The following MIS18A variants were observed in gnomAD, a reference collection of about 807,000 sequenced individuals.
MIS18A encodes MIS18 kinetochore protein A.
A neutral mutation model predicts 25.0 loss-of-function variants in MIS18A; 14 were observed. The observed-to-expected ratio is 0.56, with a 90% CI of 0.37 to 0.88. The LOEUF is 0.88. MIS18A is among the 40% of genes least tolerant of loss of function. The pLI, the probability that MIS18A is intolerant of heterozygous loss-of-function variation, is 0.00. For synonymous variants in MIS18A, 134 were observed against 118.6 expected, an observed-to-expected ratio of 1.13 and a Z score of -0.84; for missense variants, 292 against 290.8, an observed-to-expected ratio of 1.00 and a Z score of -0.03.
chr21:32,216,142 G>T, the MIS18A span, among the ~76,000 whole-genome samples: 2 of 152,214 alleles, frequency 1.3e-5, no homozygotes, highest in Admixed American at 1.3e-4. Flanking sequence ...ACAATCTGAG[G>T]TGCATTTATT....
downstream of MIS18A, among the ~76,000 whole-genome samples, chr21:32,267,856 C>A (rs1261642298): frequency 6.6e-6 from 1 of 152,152 alleles, no homozygotes; most frequent in African/African-American, 2.4e-5. Flanking sequence ...GGGAGAGTAG[C>A]CTGCGAGAGA....
the MIS18A span, among the ~76,000 whole-genome samples, chr21:32,159,353 A>G: frequency 1.3e-5 from 2 of 152,196 alleles, no homozygotes; most frequent in Admixed American, 1.3e-4. Flanking sequence ...AATTTCAGGT[A>G]TTTACTTTAG....
the MIS18A span, among the ~76,000 whole-genome samples, chr21:32,178,005 C>A: frequency 6.6e-6 from 1 of 151,932 alleles, no homozygotes; most frequent in African/African-American, 2.4e-5. Context: ...GCCTTGACCT[C>A]CAGGGCTCAA....
At chr21:32,218,848 T>G in the MIS18A span, among the ~76,000 whole-genome samples, 4 of 152,134 alleles carry the variant, frequency 2.6e-5, no homozygotes, top group Admixed American at 6.6e-5. Context: ...GTGGATCACC[T>G]GATGTCAGGA....
chr21:32,242,329 A>G, the MIS18A span, among the ~76,000 whole-genome samples: 2 of 152,360 alleles, frequency 1.3e-5, no homozygotes, highest in East Asian at 3.9e-4. Flanking sequence ...GGAAGGTGAA[A>G]GCCAGTGCCT....
chr21:32,257,589 A>T, the MIS18A span, among the ~76,000 whole-genome samples: 1 of 152,208 alleles, frequency 6.6e-6, no homozygotes, highest in Non-Finnish European at 1.5e-5. Flanking sequence ...TCAAATCAAT[A>T]CCTAATTAAA....
chr21:32,170,166 T>C, the MIS18A span, among the ~76,000 whole-genome samples: 1 of 152,088 alleles, frequency 6.6e-6, no homozygotes, highest in Non-Finnish European at 1.5e-5. Flanking sequence ...ACTGGGTATA[T>C]ACCCAAAGAA....
chr21:32,204,870 G>T, the MIS18A span, among the ~76,000 whole-genome samples: 1 of 152,172 alleles, frequency 6.6e-6, no homozygotes, highest in Non-Finnish European at 1.5e-5. Flanking sequence ...CTGGGCGACA[G>T]AGCAAGACTC....
the MIS18A span, among the ~76,000 whole-genome samples, chr21:32,201,902 T>C: frequency 6.6e-6 from 1 of 152,148 alleles, no homozygotes; most frequent in Non-Finnish European, 1.5e-5. Context: ...GCGTTACCTT[T>C]CTTAAATATA....
chr21:32,273,029 G>A (rs2031741500), intron 2 of MIS18A, among the ~76,000 whole-genome samples: 2 of 152,032 alleles, frequency 1.3e-5, no homozygotes, highest in South Asian at 4.2e-4. Context: ...AATTTTTATG[G>A]CCTGCATGCC....
chr21:32,241,368 TAA>T, the MIS18A span, among the ~76,000 whole-genome samples: 37 of 88,344 alleles, frequency 4.2e-4, no homozygotes, highest in Admixed American at 7.0e-4. Flanking sequence ...TAGCTGACAA[TAA>T]AAAAAAAAAA....
At chr21:32,161,476 TTTTGTTTG>T in the MIS18A span, among the ~76,000 whole-genome samples, 16 of 150,562 alleles carry the variant, frequency 1.1e-4, no homozygotes, top group East Asian at 3.9e-4. Context: ...GAAGCTTGTT[TTTTGTTTG>T]TTTGTTTGTT....
chr21:32,241,382 A>C, the MIS18A span, among the ~76,000 whole-genome samples: 65 of 152,060 alleles, frequency 4.3e-4, 1 homozygote, highest in Admixed American at 2.9e-3. Flanking sequence ...AAAAAAAAAA[A>C]AAAACTCAAG....
the MIS18A span, among the ~76,000 whole-genome samples, chr21:32,162,894 T>C: frequency 2.0e-5 from 3 of 152,222 alleles, no homozygotes. Context: ...TGCTATTAAA[T>C]GCATCTTGTT....
At chr21:32,159,627 G>A in the MIS18A span, among the ~76,000 whole-genome samples, 1 of 152,210 alleles carries the variant, frequency 6.6e-6, no homozygotes, top group African/African-American at 2.4e-5. Flanking sequence ...CTGAGAACAT[G>A]TACCCAATGT....
the MIS18A span, among the ~76,000 whole-genome samples, chr21:32,200,880 T>C: frequency 6.6e-6 from 1 of 152,174 alleles, no homozygotes; most frequent in Non-Finnish European, 1.5e-5. Context: ...CTCTCCTAAT[T>C]ATCTTTTGAT....
At chr21:32,191,954 A>G in the MIS18A span, among the ~76,000 whole-genome samples, 2 of 152,096 alleles carry the variant, frequency 1.3e-5, no homozygotes. Flanking sequence ...GAAAGAAAGA[A>G]AGAAAATTAT....
intron 1 of MIS18A, 39 bp from the exon 2 acceptor site, chr21:32,274,935 T>G (rs142927218): frequency 1.2e-4 from 184 of 1,531,256 alleles, no homozygotes; most frequent in Admixed American, 4.2e-4. Context: ...ATTAATGTAG[T>G]TCGTTATAAC....
chr21:32,191,412 A>C, the MIS18A span, among the ~76,000 whole-genome samples: 1 of 152,064 alleles, frequency 6.6e-6, no homozygotes, highest in Non-Finnish European at 1.5e-5. Flanking sequence ...AAACATAGCA[A>C]GACCCGATTT....
Sources: allele counts gnomAD v4.1 joint callset (sites outside exome capture counted in the v4.1 genomes callset), GRCh38; gene constraint gnomAD v4.1.1; transcripts MANE v1.5; gene names NCBI Gene and HGNC (gene_info 2026-07-23, HGNC 2026-07-21).